The following GTF2IRD1 variants were observed in gnomAD, a reference collection of about 807,000 sequenced individuals.
GTF2IRD1 encodes the protein GTF2I repeat domain containing 1.
GTF2IRD1 carries 26 observed loss-of-function variants against 113.2 expected under a neutral mutation model. The observed-to-expected ratio is 0.23, with a 90% CI of 0.17 to 0.32. The LOEUF (loss-of-function observed/expected upper bound fraction) is 0.32, where lower values mean the gene tolerates loss of function less well. Among genes scored for constraint, GTF2IRD1 ranks in the 10% least tolerant of loss-of-function variants. GTF2IRD1 has a pLI of 1.00. For missense variants in GTF2IRD1, 864 were observed against 1,280.8 expected, an observed-to-expected ratio of 0.67 and a Z score of 4.97; for synonymous variants, 484 against 529.1, an observed-to-expected ratio of 0.91 and a Z score of 1.17.
At chr7:74,552,112 G>A (rs1554355190) in intron 17 of GTF2IRD1, among the ~76,000 whole-genome samples, 2 of 151,592 alleles carry the variant, frequency 1.3e-5, no homozygotes, top group Non-Finnish European at 1.5e-5. Flanking sequence ...GGGACCAGGC[G>A]TGTGGCCCAC....
At chr7:74,459,469 A>G (rs377059414) in intron 1 of GTF2IRD1, among the ~76,000 whole-genome samples, 9 of 152,012 alleles carry the variant, frequency 5.9e-5, no homozygotes, top group Admixed American at 3.9e-4. Context: ...AAAAAAAAAA[A>G]GATAAGATAG....
chr7:74,470,082 C>T (rs1793989304), intron 1 of GTF2IRD1, among the ~76,000 whole-genome samples: 1 of 152,070 alleles, frequency 6.6e-6, no homozygotes, highest in Non-Finnish European at 1.5e-5. Context: ...ACTGCAACCT[C>T]CATTTCCCAG....
chr7:74,456,641 C>T (rs1379402344), intron 1 of GTF2IRD1, among the ~76,000 whole-genome samples: 1 of 151,796 alleles, frequency 6.6e-6, no homozygotes, highest in Non-Finnish European at 1.5e-5. Context: ...CAAGACCGCA[C>T]CACTGTACTC....
At chr7:74,576,567 C>CA (rs1424620754) in intron 22 of GTF2IRD1, among the ~76,000 whole-genome samples, 1 of 140,064 alleles carries the variant, frequency 7.1e-6, no homozygotes, top group Non-Finnish European at 1.5e-5. Flanking sequence ...AAAAAGATGT[C>CA]AGCAGGGCTG....
rs1167468655 is a variant in GTF2IRD1 at position 74,562,555 on chromosome 7, CTTTTTTTTTTTTTTTTT to C, written c.2320+2913_2320+2929del. Among the ~76,000 whole-genome samples the C allele has an allele frequency of 1.6e-3, 102 of 62,716 alleles. 1 individual carries two copies. Among genetic ancestry groups the C allele is most frequent in the Non-Finnish European group, 2.1e-4 (8 of 37,840 alleles). 41.1% of individuals were successfully genotyped at this position (62,716 alleles called of 152,430 possible). On this transcript the variant is annotated intron_variant, in intron 22 of 26. Transcript: ENST00000424337. ...AGGACTATTTTCCGCCAATTGCCCTCTTTTTTTTTTTTTTTTTTTTTTTTTTTTTGAGATGGAATTTA... is the reference window on the plus strand; with the variant it reads ...AGGACTATTTTCCGCCAATTGCCCTCTTTTTTTTTTTTGAGATGGAATTTA...
chr7:74,519,801 A>G, intron 6 of GTF2IRD1, 82 bp downstream of exon 6: 1 of 1,010,052 alleles, frequency 9.9e-7, no homozygotes, highest in Non-Finnish European at 1.5e-6. Context: ...AGGGCAGGTC[A>G]GGATGCCTGG....
intron 22 of GTF2IRD1, among the ~76,000 whole-genome samples, chr7:74,573,222 C>A (rs1800800005): frequency 6.6e-6 from 1 of 151,788 alleles, no homozygotes; most frequent in South Asian, 2.1e-4. Context: ...CCAGCCTGGG[C>A]AACATGGCAA....
chr7:74,585,620 G>A (rs587765178), intron 22 of GTF2IRD1, among the ~76,000 whole-genome samples: 6 of 151,972 alleles, frequency 3.9e-5, no homozygotes, highest in Admixed American at 1.3e-4. Flanking sequence ...GGTGGTTCAC[G>A]TCTGTAATCC....
intron 22 of GTF2IRD1, among the ~76,000 whole-genome samples, chr7:74,571,438 C>T (rs587686706): frequency 2.6e-5 from 4 of 152,252 alleles, no homozygotes; most frequent in Admixed American, 6.5e-5. Context: ...GTCCCCATAG[C>T]GGAGGAACCC....
intron 11 of GTF2IRD1, among the ~76,000 whole-genome samples, chr7:74,537,637 C>T (rs1798378535): frequency 6.6e-6 from 1 of 152,100 alleles, no homozygotes; most frequent in South Asian, 2.1e-4. Flanking sequence ...AGGGGTGGGC[C>T]GTTTATCCCA....
intron 11 of GTF2IRD1, among the ~76,000 whole-genome samples, chr7:74,537,191 C>T (rs1422555963): frequency 6.6e-6 from 1 of 152,172 alleles, no homozygotes; most frequent in African/African-American, 2.4e-5. Flanking sequence ...AGGCAGATCA[C>T]CTGAGGTCAG....
intron 25 of GTF2IRD1, among the ~76,000 whole-genome samples, chr7:74,600,745 G>A (rs1802707992): frequency 6.6e-6 from 1 of 152,128 alleles, no homozygotes; most frequent in South Asian, 2.1e-4. Flanking sequence ...TAGGGCCTAA[G>A]GGGTGAGCTT....
intron 22 of GTF2IRD1, among the ~76,000 whole-genome samples, chr7:74,566,643 C>T (rs1800337120): frequency 6.6e-6 from 1 of 152,100 alleles, no homozygotes; most frequent in South Asian, 2.1e-4. Context: ...TGCCTGACCA[C>T]GTCATACTTA....
chr7:74,572,505 G>A, intron 22 of GTF2IRD1: 1 of 809,328 alleles, frequency 1.2e-6, no homozygotes, highest in Non-Finnish European at 1.5e-6. Flanking sequence ...TACTGTCTTT[G>A]ATCTTGGATG....
At chr7:74,548,543 G>C (rs1554354009) in intron 17 of GTF2IRD1, among the ~76,000 whole-genome samples, 1 of 152,208 alleles carries the variant, frequency 6.6e-6, no homozygotes. Context: ...GCTGAGGTGG[G>C]AGGATTGCTT....
intron 22 of GTF2IRD1, among the ~76,000 whole-genome samples, chr7:74,578,220 C>T (rs187424193): frequency 1.9e-3 from 282 of 152,240 alleles, no homozygotes; most frequent in African/African-American, 6.2e-3. Flanking sequence ...CTCGCACTGT[C>T]GCCCAGGCTG....
At chr7:74,557,944 G>C (rs1272758869) in intron 20 of GTF2IRD1, among the ~76,000 whole-genome samples, 1 of 152,118 alleles carries the variant, frequency 6.6e-6, no homozygotes, top group African/African-American at 2.4e-5. Flanking sequence ...GCAGACCAAT[G>C]AGGTGAGATA....
intron 17 of GTF2IRD1, among the ~76,000 whole-genome samples, chr7:74,553,370 A>G (rs1799419429): frequency 6.6e-6 from 1 of 152,034 alleles, no homozygotes; most frequent in African/African-American, 2.4e-5. Flanking sequence ...AACTCACTGC[A>G]GCCTTAAACT....
In GTF2IRD1 at chr7:74,529,729, T is replaced by C. The variant is rs782532841; in HGVS notation, c.1091-5T>C. 4.3e-6 allele frequency: 7 copies of C among 1,613,736 alleles called. No individual in the cohort carries two copies. Among genetic ancestry groups the C allele is most frequent in the Non-Finnish European group, 5.9e-6 (7 of 1,179,756 alleles). The stretch of plus-strand genomic sequence containing the variant: ...CTCAGCCTTGCTGTTTGGTTGTCTT[T>C]CCAGCGGAAGCCCTGGGCCTGGACC... On this transcript the variant is annotated splice_polypyrimidine_tract_variant and splice_region_variant and intron_variant, in intron 8 of 26. Transcript: ENST00000424337.
Sources: allele counts gnomAD v4.1 joint callset (sites outside exome capture counted in the v4.1 genomes callset), GRCh38; gene constraint gnomAD v4.1.1; transcripts MANE v1.5; gene names NCBI Gene and HGNC (gene_info 2026-07-23, HGNC 2026-07-21).